TCF4: variants seen among roughly 807,000 people sequenced by gnomAD.
TCF4 encodes SL3-3 enhancer factor 2.
TCF4 carries 3 observed loss-of-function variants against 82.1 expected under a neutral mutation model. The ratio of observed to expected loss-of-function variants is 0.04; its 90% CI spans 0.02 to 0.09. The LOEUF (loss-of-function observed/expected upper bound fraction) is 0.09, where lower values mean the gene tolerates loss of function less well. Ranked by LOEUF, TCF4 falls within the 10% of genes least tolerant of loss-of-function variation. The probability of loss-of-function intolerance (pLI) is 1.00; values close to 1 mark genes in which losing one functional copy is unlikely to be tolerated. For synonymous variants in TCF4, 276 were observed against 309.6 expected (o/e 0.89, Z 1.14); for missense variants, 518 against 852.7 (o/e 0.61, Z 4.89).
intron 2 of TCF4, among the ~76,000 whole-genome samples, chr18:55,629,015 A>T (rs2097729172): frequency 6.6e-6 from 1 of 152,234 alleles, no homozygotes; most frequent in Non-Finnish European, 1.5e-5. Flanking sequence ...GTAGTAAATA[A>T]TTTCATAAAT....
intron 3 of TCF4, among the ~76,000 whole-genome samples, chr18:55,509,344 C>T (rs2096799336): frequency 6.6e-6 from 1 of 152,108 alleles, no homozygotes; most frequent in South Asian, 2.1e-4. Flanking sequence ...GACACACACA[C>T]ACACACACAC....
At chr18:55,634,477 C>A (rs1295499404) in intron 1 of TCF4, among the ~76,000 whole-genome samples, 1 of 151,826 alleles carries the variant, frequency 6.6e-6, no homozygotes, top group African/African-American at 2.4e-5. Context: ...GAATTTAAAA[C>A]CAAATCTGTC....
At chr18:55,609,416 C>A (rs1375385505) in intron 2 of TCF4, among the ~76,000 whole-genome samples, 2 of 152,090 alleles carry the variant, frequency 1.3e-5, no homozygotes, top group Non-Finnish European at 2.9e-5. Context: ...ATGGCATTTG[C>A]TGGGTGCCTG....
upstream of TCF4, chr18:55,588,258 A>C: frequency 5.4e-6 from 5 of 918,112 alleles, no homozygotes; most frequent in Non-Finnish European, 7.7e-6. Context: ...GAGGGGACGG[A>C]GGGAAGGGGG....
intron 8 of TCF4, among the ~76,000 whole-genome samples, chr18:55,293,451 GA>G (rs2065601464): frequency 6.6e-6 from 1 of 152,098 alleles, no homozygotes; most frequent in African/African-American, 2.4e-5. Flanking sequence ...ATCAACCTAT[GA>G]TTTTTCCCTC....
chr18:55,456,808 A>T (rs72928943), intron 5 of TCF4, among the ~76,000 whole-genome samples: 4,880 of 152,332 alleles, frequency 0.032, 103 homozygotes, highest in Non-Finnish European at 0.049. Context: ...AATTAGACTC[A>T]TCGACCCTTT....
chr18:55,401,416 A>T, intron 6 of TCF4: 1 of 1,067,940 alleles, frequency 9.4e-7, no homozygotes, highest in Non-Finnish European at 1.1e-6. Context: ...CGGCTACATT[A>T]CGAAGGCTTT....
At chr18:55,521,537 T>A (rs545110306) in intron 3 of TCF4, among the ~76,000 whole-genome samples, 1 of 152,250 alleles carries the variant, frequency 6.6e-6, no homozygotes, top group African/African-American at 2.4e-5. Flanking sequence ...CCCAAGAAAA[T>A]CACACCAGAA....
intron 3 of TCF4, among the ~76,000 whole-genome samples, chr18:55,469,004 G>A: frequency 6.6e-6 from 1 of 151,294 alleles, no homozygotes; most frequent in Admixed American, 6.6e-5. Flanking sequence ...TGTTCCAAAA[G>A]ACTGAAATGG....
intron 5 of TCF4, among the ~76,000 whole-genome samples, chr18:55,429,773 A>AAC (rs2095122863): frequency 1.3e-5 from 2 of 150,336 alleles, no homozygotes; most frequent in South Asian, 4.2e-4. Context: ...TCAAAAAAAA[A>AAC]AAAAAAAAAA....
chr18:55,312,912 A>G (rs1023178433), intron 8 of TCF4, among the ~76,000 whole-genome samples: 1 of 152,178 alleles, frequency 6.6e-6, no homozygotes, highest in Non-Finnish European at 1.5e-5. Flanking sequence ...AAGTCACAAC[A>G]GCTGTGATCA....
At chr18:55,608,647 A>G (rs1399511466) in intron 2 of TCF4, among the ~76,000 whole-genome samples, 3 of 152,136 alleles carry the variant, frequency 2.0e-5, no homozygotes, top group African/African-American at 7.2e-5. Flanking sequence ...GGGCCGTGGG[A>G]ATAATGGTGA....
At chr18:55,251,735 G>T (rs191024808) in intron 15 of TCF4, among the ~76,000 whole-genome samples, 9 of 152,312 alleles carry the variant, frequency 5.9e-5, no homozygotes, top group Admixed American at 3.3e-4. Flanking sequence ...AACAACAAAC[G>T]AAGGTGTGTA....
chr18:55,482,829 A>C (rs562817446), intron 3 of TCF4: 1 of 151,416 alleles, frequency 6.6e-6, no homozygotes, highest in Non-Finnish European at 1.5e-5. Flanking sequence ...AACTCCCACC[A>C]CTCCACTTTC....
At chr18:55,459,369 T>C (rs996858470) in intron 5 of TCF4, among the ~76,000 whole-genome samples, 3 of 152,242 alleles carry the variant, frequency 2.0e-5, no homozygotes, top group Admixed American at 1.3e-4. Context: ...TGGTGTATTC[T>C]GTAATATTAA....
chr18:55,384,346 A>C (rs952486612), intron 6 of TCF4: 1 of 152,340 alleles, frequency 6.6e-6, no homozygotes. Flanking sequence ...CAGTGTGCCT[A>C]TAAAAAATCA....
At chr18:55,254,413 T>C in intron 15 of TCF4, 84 bp downstream of exon 15, 1 of 1,367,724 alleles carries the variant, frequency 7.3e-7, no homozygotes, top group Non-Finnish European at 1.0e-6. Flanking sequence ...AAGCTGATTT[T>C]TTAAAAAACA....
chr18:55,535,389 G>A (rs776701290), intron 3 of TCF4, among the ~76,000 whole-genome samples: 7 of 152,264 alleles, frequency 4.6e-5, no homozygotes, highest in Non-Finnish European at 7.4e-5. Context: ...AACCTGCAGC[G>A]ACCATTTTTG....
At chr18:55,535,239 GGT>G (rs763662473) in intron 3 of TCF4, among the ~76,000 whole-genome samples, 2 of 152,136 alleles carry the variant, frequency 1.3e-5, no homozygotes, top group Non-Finnish European at 2.9e-5. Flanking sequence ...GATCTCTACT[GGT>G]GTATTAAAGT....
Sources: allele counts gnomAD v4.1 joint callset (sites outside exome capture counted in the v4.1 genomes callset), GRCh38; gene constraint gnomAD v4.1.1; transcripts MANE v1.5; gene names NCBI Gene and HGNC (gene_info 2026-07-23, HGNC 2026-07-21).